Variants in PIGT observed in about 807,000 individuals in gnomAD.
The protein encoded by PIGT is phosphatidylinositol glycan anchor biosynthesis class T.
A neutral mutation model predicts 66.7 loss-of-function variants in PIGT; 57 were observed. The observed-to-expected ratio is 0.86, with a 90% CI of 0.69 to 1.07. The LOEUF is 1.07. PIGT is among the 50% of genes least tolerant of loss of function. The pLI, the probability that PIGT is intolerant of heterozygous loss-of-function variation, is 0.00. For missense variants in PIGT, 725 were observed against 740.4 expected (o/e 0.98, Z 0.24); for synonymous variants, 362 against 320.5 (o/e 1.13, Z -1.38).
chr20:45,419,046 C>T, intron 3 of PIGT, 67 bp downstream of exon 3: 1 of 1,593,938 alleles, frequency 6.3e-7, no homozygotes. Context: ...GCCTCCTTTT[C>T]CCTCAGTTTC....
Position 45,420,567 on chromosome 20 carries a change from A to G in PIGT, c.907A>G (p.Thr303Ala). The G allele has an allele frequency of 6.2e-7, 1 of 1,613,624 alleles. No individual in the cohort carries two copies. Among genetic ancestry groups the G allele is most frequent in the Non-Finnish European group, 8.5e-7 (1 of 1,179,964 alleles). The stretch of plus-strand genomic sequence containing the variant: ...AGAGGTGCACCCACCCCCGACCACT[A>G]CATATCAGGACGTCATCCTAGGCAC... ...TLEVHPPPTT[T>A]YQDVILGTRK... The change falls in exon 8 of 12, where the codon ACA becomes GCA. Residue 303 changes from threonine (T) to alanine (A), a missense_variant. Coordinates refer to ENST00000279036, the MANE Select transcript of PIGT (RefSeq NM_015937.6).
In PIGT at chr20:45,421,396, G is replaced by T; in HGVS notation, c.1047G>T (p.Val349=). ...KRPPENEAPP[V]PFLHAQRYVS... ...TTCTTTACACAGAGGCCCCCCCAGT[G>T]CCCTTCCTGCATGCCCAGCGGTACG... The change falls in exon 9 of 12, where the codon GTG becomes GTT. Residue 349 remains valine (V), a synonymous_variant. Coordinates refer to ENST00000279036, the MANE Select transcript of PIGT (RefSeq NM_015937.6). 6.2e-7 allele frequency: 1 copy of T among 1,613,730 alleles called. No homozygotes were observed.
chr20:45,416,491 T>A, intron 1 of PIGT, 26 bp from the exon 2 acceptor site: 1 of 1,609,166 alleles, frequency 6.2e-7, no homozygotes, highest in African/African-American at 1.3e-5. Context: ...GTGGGGATCG[T>A]CACTCACCTG....
rs765313308 is a variant in PIGT, at chr20:45,425,147, CTT to C, written c.1485-425_1485-424del. Reference sequence around the variant, plus strand: ...TCTCTCTCTTTCTTTCTTTCTCTTTCTTTCTTTCTTTCTTTCTTTCTTTCTTT... The same window carrying C: ...TCTCTCTCTTTCTTTCTTTCTCTTTCTCTTTCTTTCTTTCTTTCTTTCTTT... On this transcript the variant is annotated intron_variant, in intron 11 of 11. Coordinates refer to ENST00000279036, the MANE Select transcript of PIGT (RefSeq NM_015937.6). 4 of 40,038 alleles carry C rather than the reference CTT, an allele frequency of 1.0e-4. No homozygotes were observed. The South Asian group carries it at 2.6e-3, about 26-fold the overall frequency. 2.5% of individuals were successfully genotyped at this position (40,038 alleles called of 1,614,324 possible). A position where few individuals can be genotyped will look rare whatever the true frequency, so the allele number is the denominator to read the frequency against.
In PIGT at chr20:45,421,469, A is replaced by G. The variant is rs1158318050; in HGVS notation, c.1120A>G (p.Asn374Asp). 1.4e-5 allele frequency: 23 copies of G among 1,614,024 alleles called. No homozygotes were observed. Among genetic ancestry groups the G allele is most frequent in the Non-Finnish European group, 1.9e-5 (23 of 1,180,034 alleles). Residue 374 changes from asparagine to aspartate, a missense_variant, in exon 9 of 12, where the codon AAC becomes GAC. Physicochemically the swap from Asn to Asp is conservative, Grantham distance 23 (BLOSUM62 1). This residue lies in a region of PIGT where 559 missense variants were observed against 552.7 expected (regional missense o/e 1.01). Transcript: ENST00000279036. ...QKGELSTLLY[N>D]THPYRAFPVL... ...GGGGGAGCTGAGCACACTGCTGTACAACACCCACCCATACCGGGCCTTCCC... is the reference window on the plus strand; with the variant it reads ...GGGGGAGCTGAGCACACTGCTGTACGACACCCACCCATACCGGGCCTTCCC...
chr20:45,420,105 C>T, intron 5 of PIGT, 31 bp from the exon 6 acceptor site: 3 of 1,492,858 alleles, frequency 2.0e-6, no homozygotes, highest in South Asian at 1.2e-5. Flanking sequence ...AGTGATACCC[C>T]CTCACTGCTG....
In PIGT at chr20:45,419,420, G is replaced by A. The variant is rs749354579; in HGVS notation, c.594+25G>A. The A allele has an allele frequency of 4.6e-5, 73 of 1,571,124 alleles. No homozygotes were observed. In the Admixed American group the frequency reaches 9.5e-4, roughly 21 times the overall value. On this transcript the variant is annotated intron_variant, in intron 4 of 11. Coordinates refer to ENST00000279036, the MANE Select transcript of PIGT (RefSeq NM_015937.6). Reference sequence around the variant, plus strand: ...GGTGAGGCCGCAGAGCCTGGCAGCCGGGGGCGGGGGGTGTATAGAGAACCT... The same window carrying A: ...GGTGAGGCCGCAGAGCCTGGCAGCCAGGGGCGGGGGGTGTATAGAGAACCT...
rs1378224236 is a variant in PIGT at position 45,421,378 on chromosome 20, C to A, written c.1034-5C>A. On this transcript the variant is annotated splice_polypyrimidine_tract_variant and splice_region_variant and intron_variant, in intron 8 of 11. Coordinates refer to ENST00000279036, the MANE Select transcript of PIGT (RefSeq NM_015937.6). ...GCTGTTAACTGTTGATATTTCTTTA[C>A]ACAGAGGCCCCCCCAGTGCCCTTCC... The A allele has an allele frequency of 3.1e-6, 5 of 1,611,378 alleles. No individual in the cohort carries two copies. In the African/African-American group the frequency reaches 5.3e-5, roughly 17 times the overall value.
chr20:45,416,160 G>T lies in PIGT; in HGVS notation c.4G>T (p.Ala2Ser). ...GTAGGCGGAAGTAGCCGCAGGCATGGCGGCGGCTATGCCGCTTGCTCTGCT... is the reference window on the plus strand; with the variant it reads ...GTAGGCGGAAGTAGCCGCAGGCATGTCGGCGGCTATGCCGCTTGCTCTGCT... Reference protein sequence around the residue: MAAAMPLALLVL... With the variant: MSAAMPLALLVL... The change falls in exon 1 of 12, where the codon GCG (alanine) becomes TCG (serine). Residue 2 changes from alanine (A) to serine (S), a missense_variant. Physicochemically the swap from Ala to Ser is moderately conservative, Grantham distance 99. Transcript: ENST00000279036. 2 of 1,559,756 alleles carry T rather than the reference G, an allele frequency of 1.3e-6. No homozygotes were observed. The highest frequency in any genetic ancestry group is 1.7e-6 in the Non-Finnish European group (2 of 1,154,324).
intron 9 of PIGT, chr20:45,423,120 A>G (rs1046320831): frequency 8.3e-6 from 1 of 120,982 alleles, no homozygotes; most frequent in African/African-American, 3.2e-5. Flanking sequence ...GCTGGAGTGC[A>G]GTGGCGCGAT....
intron 4 of PIGT, 41 bp downstream of exon 4, chr20:45,419,436 T>G (rs1225932370): frequency 6.2e-7 from 1 of 1,607,318 alleles, no homozygotes; most frequent in Non-Finnish European, 8.5e-7. Flanking sequence ...GGGGGGTGTA[T>G]AGAGAACCTG....
chr20:45,418,767 C>T (rs1430692709), intron 2 of PIGT, 85 bp from the exon 3 acceptor site: 1 of 1,537,242 alleles, frequency 6.5e-7, no homozygotes, highest in Non-Finnish European at 9.0e-7. Context: ...CTCCTCCTAT[C>T]ATAGGTTTAG....
At chr20:45,417,167 TG>T (rs2145435525) in intron 2 of PIGT, 1 of 153,386 alleles carries the variant, frequency 6.5e-6, no homozygotes, top group South Asian at 2.0e-4. Context: ...GTGGCTGCTG[TG>T]GCTATCCTGT....
In PIGT at chr20:45,416,149, C is replaced by T. The variant is rs759999528; in HGVS notation, c.-8C>T. ...AGCGCCGCTGGGTAGGCGGAAGTAG[C>T]CGCAGGCATGGCGGCGGCTATGCCG... On this transcript the variant is annotated 5_prime_UTR_variant, in exon 1 of 12. Transcript: ENST00000279036. The T allele has an allele frequency of 1.2e-5, 19 of 1,549,752 alleles. No homozygotes were observed. The highest frequency in any genetic ancestry group is 2.4e-5 in the South Asian group (2 of 84,352).
chr20:45,416,827 G>A, intron 2 of PIGT, 133 bp downstream of exon 2: 1 of 773,382 alleles, frequency 1.3e-6, no homozygotes, highest in East Asian at 2.9e-5. Flanking sequence ...GCTGGCATTG[G>A]AAGTAAGAAA....
rs1990723246 is a variant in PIGT at position 45,425,995 on chromosome 20, G to A, written c.*169G>A. On this transcript the variant is annotated 3_prime_UTR_variant, in exon 12 of 12. Coordinates refer to ENST00000279036, the MANE Select transcript of PIGT (RefSeq NM_015937.6). ...AGTACAGGAGCCACGAGCCAAATGT[G>A]GCATTTGAATTTGAATTAACTTAGA... is the stretch of plus-strand genomic sequence containing the variant. 1.4e-6 allele frequency: 1 copy of A among 699,280 alleles called. No individual in the cohort carries two copies. Among genetic ancestry groups the A allele is most frequent in the East Asian group, 2.7e-5 (1 of 36,556 alleles). 43.3% of individuals were successfully genotyped at this position (699,280 alleles called of 1,614,324 possible). A position where few individuals can be genotyped will look rare whatever the true frequency, so the allele number is the denominator to read the frequency against.
intron 9 of PIGT, chr20:45,423,457 A>T (rs769714816): frequency 6.6e-6 from 1 of 151,638 alleles, no homozygotes; most frequent in African/African-American, 2.4e-5. Context: ...GTGAGCCATG[A>T]TCATACTATT....
rs527236031 is a variant in PIGT, at chr20:45,424,323, C to T, written c.1342C>T (p.Arg448Trp). 28 of 1,614,058 alleles carry T rather than the reference C, an allele frequency of 1.7e-5. No individual in the cohort carries two copies. The highest frequency in any genetic ancestry group is 1.1e-4 in the East Asian group (5 of 44,902). Reference protein sequence around the residue: ...SVTKVSIQFERALLKWTEYTP... With the variant: ...SVTKVSIQFEWALLKWTEYTP... ...CACCAAGGTTTCCATCCAGTTTGAG[C>T]GGGCGCTGCTGAAGTGGACCGAGTA... The change falls in exon 10 of 12, where the codon CGG (arginine) becomes TGG (tryptophan). Residue 448 changes from arginine (R) to tryptophan (W), a missense_variant. Coordinates refer to ENST00000279036, the MANE Select transcript of PIGT (RefSeq NM_015937.6).
At chr20:45,424,113 C>A in intron 9 of PIGT, 103 bp from the exon 10 acceptor site, 1 of 1,078,426 alleles carries the variant, frequency 9.3e-7, no homozygotes, top group Non-Finnish European at 1.4e-6. Flanking sequence ...CCAAGCCCAT[C>A]TTCTAGGCAC....
Sources: gnomAD v4.1 joint callset for allele counts on GRCh38, gnomAD v4.1.1 for gene constraint, gnomAD v4.1.1 regional missense constraint, MANE v1.5 for transcripts, NCBI Gene and HGNC (gene_info 2026-07-23, HGNC 2026-07-21) for gene names.